The following STK39 variants were observed in gnomAD, a reference collection of about 807,000 sequenced individuals.
STK39 encodes serine/threonine kinase 39, also known as STE20/SPS1-related proline-alanine-rich protein kinase.
Under a neutral mutation model 77.8 loss-of-function variants are expected in STK39, and 20 were observed. The observed-to-expected ratio is 0.26, with a 90% confidence interval of 0.18 to 0.37. STK39 has a LOEUF of 0.37. Among genes scored for constraint, STK39 ranks in the 10% least tolerant of loss-of-function variants. The pLI is 1.00. For missense variants in STK39, 479 were observed against 656.5 expected, an observed-to-expected ratio of 0.73 and a Z score of 2.95; for synonymous variants, 246 against 234.1, an observed-to-expected ratio of 1.05 and a Z score of -0.47.
chr2:168,102,467 G>A (rs956338891), intron 10 of STK39, among the ~76,000 whole-genome samples: 3 of 152,136 alleles, frequency 2.0e-5, no homozygotes, highest in Admixed American at 1.3e-4. Context: ...GGATTGGAAA[G>A]GTTCAGTGAC....
intron 5 of STK39, among the ~76,000 whole-genome samples, chr2:168,160,888 G>A (rs1262449212): frequency 6.6e-6 from 1 of 150,684 alleles, no homozygotes; most frequent in Non-Finnish European, 1.5e-5. Context: ...TAACTCAGAT[G>A]GCTCAACAAC....
At chr2:168,048,633 G>A (rs1029363848) in intron 14 of STK39, among the ~76,000 whole-genome samples, 1 of 152,134 alleles carries the variant, frequency 6.6e-6, no homozygotes, top group Non-Finnish European at 1.5e-5. Flanking sequence ...ACAGGACCTG[G>A]GTAAATGAAA....
chr2:168,055,505 C>G (rs758834134), intron 14 of STK39, among the ~76,000 whole-genome samples: 4 of 152,224 alleles, frequency 2.6e-5, no homozygotes, highest in African/African-American at 9.6e-5. Flanking sequence ...CTCTGCTGAT[C>G]TGGGGTCTTC....
At chr2:168,168,305 T>C (rs1040579092) in intron 2 of STK39, among the ~76,000 whole-genome samples, 2 of 152,182 alleles carry the variant, frequency 1.3e-5, no homozygotes, top group African/African-American at 4.8e-5. Flanking sequence ...TCATATTGAT[T>C]TCAGTTTCTC....
intron 10 of STK39, among the ~76,000 whole-genome samples, chr2:168,122,393 CCA>C (rs1687431675): frequency 6.6e-6 from 1 of 152,112 alleles, no homozygotes; most frequent in Admixed American, 6.5e-5. Context: ...GTGTAGTATT[CCA>C]TAGTGTATAT....
intron 12 of STK39, among the ~76,000 whole-genome samples, chr2:168,074,268 G>T (rs566969123): frequency 3.9e-5 from 6 of 152,176 alleles, no homozygotes; most frequent in Non-Finnish European, 7.4e-5. Flanking sequence ...TTCTTAATGA[G>T]AATTTATTAA....
chr2:168,064,297 T>C (rs1431668797), intron 13 of STK39, among the ~76,000 whole-genome samples: 1 of 152,210 alleles, frequency 6.6e-6, no homozygotes, highest in Non-Finnish European at 1.5e-5. Context: ...TTTCCTTTAC[T>C]CTCTTTGCCC....
At chr2:168,152,276 G>A (rs1305636255) in intron 5 of STK39, among the ~76,000 whole-genome samples, 1 of 152,190 alleles carries the variant, frequency 6.6e-6, no homozygotes. Context: ...TTTTAAAGAT[G>A]CTCTGGTAAA....
intron 1 of STK39, among the ~76,000 whole-genome samples, chr2:168,245,992 T>A (rs1201173070): frequency 6.6e-6 from 1 of 152,186 alleles, no homozygotes; most frequent in African/African-American, 2.4e-5. Flanking sequence ...TCTATGCTGT[T>A]TTATTCCCCA....
intron 15 of STK39, among the ~76,000 whole-genome samples, chr2:168,016,409 AAAAAC>A (rs1406229430): frequency 6.1e-5 from 9 of 148,618 alleles, no homozygotes; most frequent in African/African-American, 2.3e-4. Flanking sequence ...AAAAAAAAAA[AAAAAC>A]AACACTACTG....
At chr2:168,139,637 T>C (rs1165994869) in intron 7 of STK39, among the ~76,000 whole-genome samples, 1 of 152,138 alleles carries the variant, frequency 6.6e-6, no homozygotes, top group Non-Finnish European at 1.5e-5. Context: ...GAAACAATCA[T>C]AGACCATACT....
Position 168,014,588 on chromosome 2 carries a change from T to C in STK39, c.1430-1886A>G, listed in dbSNP as rs568268201. Reference sequence around the variant, plus strand: ...AAGAGGCTCTACTCTGAACATGATTTAGCTTTCTGAAGCTGCTAGAACATT... The same window carrying C: ...AAGAGGCTCTACTCTGAACATGATTCAGCTTTCTGAAGCTGCTAGAACATT... On this transcript the variant is annotated intron_variant, in intron 15 of 17. Transcript: ENST00000355999. Among the ~76,000 whole-genome samples the C allele has an allele frequency of 2.5e-4, 38 of 151,316 alleles. No individual in the cohort carries two copies. The East Asian group carries it at 6.9e-3, about 28-fold the overall frequency.
intron 16 of STK39, among the ~76,000 whole-genome samples, chr2:168,005,220 G>C (rs1187111174): frequency 6.6e-6 from 1 of 151,740 alleles, no homozygotes; most frequent in Non-Finnish European, 1.5e-5. Context: ...TGGCCTGGCT[G>C]GTCTCAAACT....
At chr2:168,092,323 G>A (rs1337702831) in intron 10 of STK39, among the ~76,000 whole-genome samples, 2 of 152,150 alleles carry the variant, frequency 1.3e-5, no homozygotes, top group Non-Finnish European at 2.9e-5. Flanking sequence ...TATCTCAGGG[G>A]CAATGTCTCA....
At chr2:168,105,635 C>A (rs909329058) in intron 10 of STK39, among the ~76,000 whole-genome samples, 1 of 152,168 alleles carries the variant, frequency 6.6e-6, no homozygotes, top group Non-Finnish European at 1.5e-5. Flanking sequence ...AAGCAAACAC[C>A]ATTTCTTAAA....
chr2:168,159,886 C>G (rs1192354119), intron 5 of STK39, among the ~76,000 whole-genome samples: 1 of 152,202 alleles, frequency 6.6e-6, no homozygotes, highest in African/African-American at 2.4e-5. Flanking sequence ...ATTCCCACAC[C>G]TACCCTGTGC....
chr2:168,010,673 A>G (rs1039039238), intron 16 of STK39, among the ~76,000 whole-genome samples: 7 of 152,236 alleles, frequency 4.6e-5, no homozygotes, highest in Admixed American at 2.6e-4. Context: ...TGTGAAATCA[A>G]TGTGTAGAGT....
chr2:168,050,602 T>G (rs1685369265), intron 14 of STK39, among the ~76,000 whole-genome samples: 1 of 152,202 alleles, frequency 6.6e-6, no homozygotes, highest in Admixed American at 6.5e-5. Context: ...CTGCTGGCTT[T>G]GCAGATGGCA....
intron 14 of STK39, among the ~76,000 whole-genome samples, chr2:168,032,491 G>T (rs1057042212): frequency 2.0e-5 from 3 of 152,140 alleles, no homozygotes; most frequent in Non-Finnish European, 2.9e-5. Context: ...CCTTCATAAT[G>T]GTTTCTTCAA....
Sources: allele counts gnomAD v4.1 joint callset (sites outside exome capture counted in the v4.1 genomes callset), GRCh38; gene constraint gnomAD v4.1.1; transcripts MANE v1.5; gene names NCBI Gene and HGNC (gene_info 2026-07-23, HGNC 2026-07-21).